PDE4D: variants seen among roughly 807,000 people sequenced by gnomAD.
PDE4D encodes phosphodiesterase 4D.
A neutral mutation model predicts 87.4 loss-of-function variants in PDE4D; 24 were observed. The observed-to-expected ratio is 0.27, with a 90% CI of 0.20 to 0.39. PDE4D has a LOEUF of 0.39. Among genes scored for constraint, PDE4D ranks in the 10% least tolerant of loss-of-function variants. PDE4D has a pLI of 1.00. For synonymous variants in PDE4D, 384 were observed against 383.2 expected, an observed-to-expected ratio of 1.00 and a Z score of -0.02; for missense variants, 714 against 1,041.0, an observed-to-expected ratio of 0.69 and a Z score of 4.32.
intron 1 of PDE4D, among the ~76,000 whole-genome samples, chr5:59,378,151 G>A (rs1291714157): frequency 2.0e-5 from 3 of 152,124 alleles, no homozygotes; most frequent in Non-Finnish European, 2.9e-5. Context: ...ACAGCTGGAG[G>A]CCATTATCTT....
intron 1 of PDE4D, among the ~76,000 whole-genome samples, chr5:59,885,450 C>T (rs942287454): frequency 1.3e-5 from 2 of 152,150 alleles, no homozygotes; most frequent in Non-Finnish European, 2.9e-5. Context: ...GCCACCCCAA[C>T]GATAATCTTA....
chr5:60,499,536 G>GA (rs1022363940), intron 1 of PDE4D, among the ~76,000 whole-genome samples: 1 of 151,654 alleles, frequency 6.6e-6, no homozygotes, highest in Non-Finnish European at 1.5e-5. Flanking sequence ...CGGTTAAAAA[G>GA]AAAAAAAAGC....
intron 5 of PDE4D, among the ~76,000 whole-genome samples, chr5:59,159,303 AT>A (rs5868163): frequency 7.4e-5 from 11 of 149,140 alleles, no homozygotes; most frequent in Non-Finnish European, 1.3e-4. Context: ...TAATTTTTGT[AT>A]TTTTTTTTTG....
At chr5:59,839,438 GGTTTT>G (rs1742649405) in intron 1 of PDE4D, among the ~76,000 whole-genome samples, 1 of 151,552 alleles carries the variant, frequency 6.6e-6, no homozygotes, top group African/African-American at 2.4e-5. Flanking sequence ...TTGTTTTTCA[GGTTTT>G]TTGCTGTCAT....
intron 2 of PDE4D, among the ~76,000 whole-genome samples, chr5:60,086,923 G>T (rs893284270): frequency 2.6e-5 from 4 of 152,222 alleles, no homozygotes; most frequent in Non-Finnish European, 4.4e-5. Context: ...TGCTGCAAGG[G>T]GGGGCACCAT....
At chr5:59,207,440 G>A (rs1413559006) in intron 2 of PDE4D, among the ~76,000 whole-genome samples, 1 of 151,806 alleles carries the variant, frequency 6.6e-6, no homozygotes, top group African/African-American at 2.4e-5. Context: ...CTTCATCTAG[G>A]GGCCGTGTTT....
intron 1 of PDE4D, among the ~76,000 whole-genome samples, chr5:59,822,378 ATAGAT>A (rs1234894129): frequency 1.3e-5 from 2 of 152,140 alleles, no homozygotes; most frequent in Non-Finnish European, 2.9e-5. Context: ...GTGAAGGTAG[ATAGAT>A]TAATCTCACT....
chr5:59,890,347 C>T (rs1035287827), intron 1 of PDE4D, among the ~76,000 whole-genome samples: 4 of 152,006 alleles, frequency 2.6e-5, no homozygotes, highest in Admixed American at 2.0e-4. Flanking sequence ...TAGATGTTCT[C>T]ACTAGCTTTA....
intron 1 of PDE4D, among the ~76,000 whole-genome samples, chr5:60,313,505 C>A (rs1174116116): frequency 6.6e-6 from 1 of 152,142 alleles, no homozygotes; most frequent in Non-Finnish European, 1.5e-5. Context: ...ACCAGACATA[C>A]AAAGAGCTGA....
intron 1 of PDE4D, among the ~76,000 whole-genome samples, chr5:59,780,319 T>A (rs986589668): frequency 6.6e-6 from 1 of 152,176 alleles, no homozygotes; most frequent in African/African-American, 2.4e-5. Flanking sequence ...TGAGCTGAGA[T>A]CTCACCACTG....
At chr5:60,183,742 G>A (rs1475322699) in intron 2 of PDE4D, among the ~76,000 whole-genome samples, 1 of 152,082 alleles carries the variant, frequency 6.6e-6, no homozygotes, top group Non-Finnish European at 1.5e-5. Flanking sequence ...TCAAAACCAG[G>A]AAAAATCTAC....
chr5:59,557,587 T>C (rs1388940188), intron 1 of PDE4D, among the ~76,000 whole-genome samples: 1 of 152,156 alleles, frequency 6.6e-6, no homozygotes, highest in Non-Finnish European at 1.5e-5. Context: ...ATTTAGTCAG[T>C]AGGTTTATGT....
rs1379402060 is a variant in PDE4D, at chr5:58,972,873, T to C, written c.*1791A>G. ...CTAATTTTTTATTTAACCAGAATTT[T>C]TACCAATATAATAAATATTTTAGGA... On this transcript the variant is annotated 3_prime_UTR_variant, in exon 15 of 15. Transcript: ENST00000340635. 1.4e-5 allele frequency: 2 copies of C among 147,436 alleles called. No individual in the cohort carries two copies. The highest frequency in any genetic ancestry group is 5.0e-5 in the African/African-American group (2 of 40,320). 9.1% of individuals were successfully genotyped at this position (147,436 alleles called of 1,614,324 possible).
chr5:59,802,325 A>C (rs1046656216), intron 1 of PDE4D, among the ~76,000 whole-genome samples: 5 of 151,926 alleles, frequency 3.3e-5, no homozygotes, highest in African/African-American at 1.2e-4. Context: ...ACTTTGAAGC[A>C]GGAAAGTAAT....
chr5:59,390,209 A>G (rs1015004186), intron 1 of PDE4D, among the ~76,000 whole-genome samples: 1 of 152,094 alleles, frequency 6.6e-6, no homozygotes, highest in African/African-American at 2.4e-5. Context: ...GCAACTTATA[A>G]TAGTTATTAT....
chr5:59,602,241 T>C (rs139620432), intron 1 of PDE4D, among the ~76,000 whole-genome samples: 2 of 151,932 alleles, frequency 1.3e-5, no homozygotes, highest in Non-Finnish European at 2.9e-5. Context: ...TAAAAACCCC[T>C]CAACAAATTA....
At chr5:59,212,233 G>A (rs1750243908) in intron 2 of PDE4D, among the ~76,000 whole-genome samples, 2 of 152,138 alleles carry the variant, frequency 1.3e-5, no homozygotes, top group Non-Finnish European at 2.9e-5. Context: ...AGAAGGCACA[G>A]TCCTTTATGG....
At chr5:59,017,315 G>A (rs1376289372) in intron 6 of PDE4D, among the ~76,000 whole-genome samples, 3 of 152,170 alleles carry the variant, frequency 2.0e-5, no homozygotes, top group African/African-American at 7.2e-5. Context: ...TTGAAGACTT[G>A]CACAACAGAA....
intron 1 of PDE4D, among the ~76,000 whole-genome samples, chr5:59,568,242 C>T (rs559887168): frequency 6.6e-6 from 1 of 152,008 alleles, no homozygotes; most frequent in Non-Finnish European, 1.5e-5. Flanking sequence ...TACCCAATGG[C>T]CAAAGCTGGA....
Sources: gnomAD v4.1 joint callset for allele counts (sites outside exome capture counted in the v4.1 genomes callset) on GRCh38, gnomAD v4.1.1 for gene constraint, MANE v1.5 for transcripts, NCBI Gene and HGNC (gene_info 2026-07-23, HGNC 2026-07-21) for gene names.